FCHSD2: variants seen among roughly 807,000 people sequenced by gnomAD.
FCHSD2 encodes FCH and double SH3 domains 2, also known as F-BAR and double SH3 domains protein 2.
Under a neutral mutation model 108.1 loss-of-function variants are expected in FCHSD2, and 38 were observed. That is an observed-to-expected ratio of 0.35 (90% CI 0.27 to 0.46). FCHSD2 has a LOEUF of 0.46. Among genes scored for constraint, FCHSD2 ranks in the 20% least tolerant of loss-of-function variants. FCHSD2 has a pLI of 1.00. For synonymous variants in FCHSD2, 279 were observed against 314.7 expected, an observed-to-expected ratio of 0.89 and a Z score of 1.20; for missense variants, 751 against 897.8, an observed-to-expected ratio of 0.84 and a Z score of 2.09.
chr11:72,859,565 AAC>A lies in FCHSD2; in HGVS notation c.1308+8298_1308+8299del, dbSNP rs908443891. 3.3e-5 allele frequency among the ~76,000 whole-genome samples: 5 copies of A among 152,166 alleles called. No individual in the cohort carries two copies. The East Asian group carries it at 9.6e-4, about 29-fold the overall frequency. Reference sequence around the variant, plus strand: ...TGATAGATATGTATGTATAGGGAAAAACACAGTATACATAAGGTTCGGTACTA... The same window carrying A: ...TGATAGATATGTATGTATAGGGAAAAACAGTATACATAAGGTTCGGTACTA... On this transcript the variant is annotated intron_variant, in intron 13 of 19. Coordinates refer to ENST00000409418, the MANE Select transcript of FCHSD2 (RefSeq NM_014824.3).
intron 3 of FCHSD2, among the ~76,000 whole-genome samples, chr11:73,022,748 TAAG>T (rs1402906765): frequency 6.6e-6 from 1 of 151,766 alleles, no homozygotes; most frequent in Non-Finnish European, 1.5e-5. Context: ...TTCAGAAAAA[TAAG>T]AACAAAATCA....
At chr11:73,139,634 T>A (rs943272749) in intron 2 of FCHSD2, among the ~76,000 whole-genome samples, 1 of 152,342 alleles carries the variant, frequency 6.6e-6, no homozygotes, top group South Asian at 2.1e-4. Flanking sequence ...TATAACCATC[T>A]GGGGTTGACT....
chr11:73,016,302 CAA>C (rs113309736), intron 3 of FCHSD2, among the ~76,000 whole-genome samples: 12 of 81,326 alleles, frequency 1.5e-4, no homozygotes, highest in South Asian at 1.2e-3. Context: ...GGCTCTGTCT[CAA>C]AAAAAAAAAA....
At chr11:73,130,322 A>G (rs1860966866) in intron 2 of FCHSD2, among the ~76,000 whole-genome samples, 1 of 152,198 alleles carries the variant, frequency 6.6e-6, no homozygotes, top group African/African-American at 2.4e-5. Context: ...CACAAGTACT[A>G]TCATAGCTCA....
chr11:72,974,440 G>A (rs1161057860), intron 8 of FCHSD2, among the ~76,000 whole-genome samples: 1 of 152,158 alleles, frequency 6.6e-6, no homozygotes, highest in African/African-American at 2.4e-5. Flanking sequence ...GTTGCATTGG[G>A]AATTAGGTTT....
At chr11:73,139,882 G>A in intron 2 of FCHSD2, 149 bp downstream of exon 2, 5 of 514,818 alleles carry the variant, frequency 9.7e-6, no homozygotes, top group Non-Finnish European at 1.7e-5. Flanking sequence ...GTTAGTTCCA[G>A]TTCTAATTTC....
At chr11:72,961,516 A>C (rs1052448912) in intron 8 of FCHSD2, among the ~76,000 whole-genome samples, 1 of 152,038 alleles carries the variant, frequency 6.6e-6, no homozygotes, top group African/African-American at 2.4e-5. Flanking sequence ...TTGGCCTCCT[A>C]AAGTGCTATG....
chr11:73,034,818 GA>G (rs1858448222), intron 3 of FCHSD2, among the ~76,000 whole-genome samples: 1 of 152,124 alleles, frequency 6.6e-6, no homozygotes, highest in Admixed American at 6.5e-5. Context: ...AGCAGCAAAA[GA>G]AAATAAATTA....
At chr11:72,992,329 C>G (rs912389281) in intron 5 of FCHSD2, among the ~76,000 whole-genome samples, 1 of 152,120 alleles carries the variant, frequency 6.6e-6, no homozygotes, top group Non-Finnish European at 1.5e-5. Context: ...TGAAAATGAC[C>G]ATACTGCCCA....
chr11:72,910,357 T>C (rs1440419523), intron 9 of FCHSD2, among the ~76,000 whole-genome samples: 1 of 151,438 alleles, frequency 6.6e-6, no homozygotes, highest in Non-Finnish European at 1.5e-5. Context: ...GAACGGGCCA[T>C]GATGACGATG....
chr11:73,090,288 G>C (rs1859924020), intron 2 of FCHSD2, among the ~76,000 whole-genome samples: 1 of 148,868 alleles, frequency 6.7e-6, no homozygotes, highest in African/African-American at 2.5e-5. Context: ...TGCAGTGGCG[G>C]GATCTCGGCT....
intron 4 of FCHSD2, among the ~76,000 whole-genome samples, chr11:73,012,568 T>TA (rs1336166140): frequency 1.3e-5 from 2 of 152,174 alleles, no homozygotes; most frequent in African/African-American, 4.8e-5. Flanking sequence ...ATAACAAAAC[T>TA]AAAATAAGCT....
intron 13 of FCHSD2, among the ~76,000 whole-genome samples, chr11:72,864,199 T>C (rs1237450083): frequency 3.3e-5 from 5 of 152,186 alleles, no homozygotes; most frequent in Admixed American, 6.5e-5. Flanking sequence ...TTGTGGGCTA[T>C]AGTTTGAAAA....
chr11:73,105,940 T>C (rs938769504), intron 2 of FCHSD2, among the ~76,000 whole-genome samples: 4 of 152,204 alleles, frequency 2.6e-5, no homozygotes, highest in African/African-American at 9.6e-5. Context: ...AGAAGATACC[T>C]GGCAGAAGCA....
At chr11:73,123,240 A>G (rs965171015) in intron 2 of FCHSD2, among the ~76,000 whole-genome samples, 9 of 152,218 alleles carry the variant, frequency 5.9e-5, no homozygotes, top group Admixed American at 3.9e-4. Context: ...GACAAATTCA[A>G]TGTTGACTAT....
intron 8 of FCHSD2, among the ~76,000 whole-genome samples, chr11:72,978,238 C>T (rs1020799919): frequency 1.3e-5 from 2 of 151,762 alleles, no homozygotes; most frequent in African/African-American, 4.8e-5. Context: ...TACAGCACAC[C>T]ACATGGCACA....
intron 8 of FCHSD2, among the ~76,000 whole-genome samples, chr11:72,934,384 G>A (rs1856258942): frequency 6.8e-6 from 1 of 146,662 alleles, no homozygotes; most frequent in Non-Finnish European, 1.5e-5. Flanking sequence ...AGGCTGGTGT[G>A]CAGCGGCACT....
chr11:73,102,906 A>G (rs1032227186), intron 2 of FCHSD2, among the ~76,000 whole-genome samples: 2 of 152,338 alleles, frequency 1.3e-5, no homozygotes, highest in African/African-American at 4.8e-5. Flanking sequence ...AAAACTATTT[A>G]GCAATAAAAA....
intron 2 of FCHSD2, among the ~76,000 whole-genome samples, chr11:73,131,656 A>G (rs1056608828): frequency 6.6e-6 from 1 of 151,812 alleles, no homozygotes; most frequent in Non-Finnish European, 1.5e-5. Flanking sequence ...GTAAGCCAAG[A>G]TCGCACCACT....
Sources: gnomAD v4.1 joint callset for allele counts (sites outside exome capture counted in the v4.1 genomes callset) on GRCh38, gnomAD v4.1.1 for gene constraint, MANE v1.5 for transcripts, NCBI Gene and HGNC (gene_info 2026-07-23, HGNC 2026-07-21) for gene names.